The following NAALADL2 variants were observed in gnomAD, a reference collection of about 807,000 sequenced individuals.
NAALADL2 encodes the protein inactive N-acetylated-alpha-linked acidic dipeptidase-like protein 2.
In NAALADL2, 76 loss-of-function variants were observed where a neutral mutation model predicts 87.2. The ratio of observed to expected loss-of-function variants is 0.87; its 90% confidence interval spans 0.72 to 1.05. NAALADL2 has a LOEUF of 1.05. Among genes scored for constraint, NAALADL2 ranks in the 50% least tolerant of loss-of-function variants. The pLI is 0.00. For synonymous variants in NAALADL2, 354 were observed against 331.0 expected (o/e 1.07, Z -0.75); for missense variants, 1,089 against 945.8 (o/e 1.15, Z -1.99).
chr3:175,000,233 G>A (rs550223418), intron 1 of NAALADL2, among the ~76,000 whole-genome samples: 12 of 152,260 alleles, frequency 7.9e-5, no homozygotes, highest in African/African-American at 2.9e-4. Flanking sequence ...ACCTAAGAAA[G>A]ACCGATCAAT....
chr3:175,454,488 A>G (rs896430026), intron 6 of NAALADL2, among the ~76,000 whole-genome samples: 14 of 151,816 alleles, frequency 9.2e-5, no homozygotes, highest in Admixed American at 4.6e-4. Flanking sequence ...TTTTTTTAGA[A>G]CCACCTTCTT....
chr3:174,982,907 C>T (rs561410683), intron 1 of NAALADL2, among the ~76,000 whole-genome samples: 1 of 152,274 alleles, frequency 6.6e-6, no homozygotes, highest in South Asian at 2.1e-4. Flanking sequence ...ACGCCATTCT[C>T]CTGCCTCAGC....
intron 2 of NAALADL2, among the ~76,000 whole-genome samples, chr3:174,558,630 G>A (rs570378287): frequency 3.3e-5 from 5 of 152,018 alleles, no homozygotes; most frequent in African/African-American, 1.2e-4. Flanking sequence ...GATCTGGCAG[G>A]GGGAGAAGCT....
chr3:174,686,069 T>C (rs913337763), intron 2 of NAALADL2, among the ~76,000 whole-genome samples: 2 of 152,116 alleles, frequency 1.3e-5, no homozygotes, highest in African/African-American at 2.4e-5. Flanking sequence ...CCGTCTGTCA[T>C]TGATGGGCAT....
chr3:175,588,720 G>A (rs559666293), intron 10 of NAALADL2, among the ~76,000 whole-genome samples: 1,905 of 151,582 alleles, frequency 0.013, 38 homozygotes, highest in African/African-American at 0.043. Flanking sequence ...TTGTATTTTT[G>A]GTAGAGATGG....
At chr3:175,203,991 T>C (rs1560160566) in intron 2 of NAALADL2, among the ~76,000 whole-genome samples, 1 of 152,084 alleles carries the variant, frequency 6.6e-6, no homozygotes, top group Non-Finnish European at 1.5e-5. Context: ...GCCAGACAAA[T>C]TGACAGCAAA....
intron 2 of NAALADL2, among the ~76,000 whole-genome samples, chr3:174,638,713 T>A (rs1722892784): frequency 6.6e-6 from 1 of 152,194 alleles, no homozygotes; most frequent in South Asian, 2.1e-4. Flanking sequence ...GCATGCTGCA[T>A]ATTAACAGGA....
intron 5 of NAALADL2, among the ~76,000 whole-genome samples, chr3:175,381,065 C>T (rs1327830965): frequency 6.6e-6 from 1 of 151,774 alleles, no homozygotes; most frequent in Non-Finnish European, 1.5e-5. Context: ...TTATAATGAA[C>T]AACCTGAAAA....
At chr3:175,556,949 A>G (rs79795530) in intron 9 of NAALADL2, among the ~76,000 whole-genome samples, 1,524 of 152,332 alleles carry the variant, frequency 0.01, 34 homozygotes, top group African/African-American at 0.034. Flanking sequence ...TATGCTGACA[A>G]AGCCTAGAAA....
chr3:175,019,836 G>A (rs1316026494), intron 1 of NAALADL2, among the ~76,000 whole-genome samples: 1 of 152,004 alleles, frequency 6.6e-6, no homozygotes, highest in Non-Finnish European at 1.5e-5. Context: ...TTATTTAGTT[G>A]CATCCAAAAG....
intron 1 of NAALADL2, among the ~76,000 whole-genome samples, chr3:174,882,887 A>G (rs1276192722): frequency 6.7e-6 from 1 of 149,862 alleles, no homozygotes; most frequent in African/African-American, 2.4e-5. Flanking sequence ...ATATGTGTAT[A>G]TATGTATATA....
At chr3:174,853,264 G>A (rs530484261) in intron 3 of NAALADL2, among the ~76,000 whole-genome samples, 3 of 141,296 alleles carry the variant, frequency 2.1e-5, no homozygotes, top group South Asian at 2.3e-4. Flanking sequence ...TGTAGTCCCA[G>A]CTACTCAGGA....
chr3:174,490,788 G>A (rs928512862), intron 1 of NAALADL2, among the ~76,000 whole-genome samples: 1 of 151,910 alleles, frequency 6.6e-6, no homozygotes, highest in Non-Finnish European at 1.5e-5. Flanking sequence ...TATTTTATTG[G>A]GTGAAGGAGA....
chr3:174,829,029 G>T (rs1722309071), intron 3 of NAALADL2, among the ~76,000 whole-genome samples: 1 of 152,036 alleles, frequency 6.6e-6, no homozygotes, highest in South Asian at 2.1e-4. Flanking sequence ...TTATGATCAG[G>T]CCCTGAGTTA....
intron 1 of NAALADL2, among the ~76,000 whole-genome samples, chr3:174,874,665 TA>T (rs1455833648): frequency 6.6e-6 from 1 of 152,178 alleles, no homozygotes; most frequent in East Asian, 1.9e-4. Flanking sequence ...AGTCTTTACA[TA>T]AATGAAGTAC....
intron 2 of NAALADL2, among the ~76,000 whole-genome samples, chr3:174,699,049 C>T (rs1179369883): frequency 6.6e-6 from 1 of 152,062 alleles, no homozygotes; most frequent in Non-Finnish European, 1.5e-5. Flanking sequence ...TCTTAAACCT[C>T]TTCTCCTGTG....
At chr3:174,756,949 C>CA (rs773360702) in intron 3 of NAALADL2, among the ~76,000 whole-genome samples, 22 of 114,356 alleles carry the variant, frequency 1.9e-4, no homozygotes, top group Admixed American at 5.6e-4. Context: ...CACCTATAGA[C>CA]AAAAAAAACA....
intron 1 of NAALADL2, among the ~76,000 whole-genome samples, chr3:174,860,891 G>A (rs1472245953): frequency 6.6e-6 from 1 of 151,864 alleles, no homozygotes; most frequent in African/African-American, 2.4e-5. Context: ...ACTGTGTAAG[G>A]ATAGCCTTCC....
rs1227587596 is a variant in NAALADL2 at position 175,697,862 on chromosome 3, TATG to T, written c.1897-39443_1897-39441del. On this transcript the variant is annotated intron_variant, in intron 11 of 13. Coordinates refer to ENST00000454872, the MANE Select transcript of NAALADL2 (RefSeq NM_207015.3). ...TTATGTATACATATATATGTGTATA[TATG>T]TATGTATACATATATATGTGTATAT... Among the ~76,000 whole-genome samples, 183 of 80,684 alleles carry T rather than the reference TATG, an allele frequency of 2.3e-3. 2 individuals are homozygous for T. The highest frequency in any genetic ancestry group is 0.012 in the Middle Eastern group (1 of 84). The allele number at this position is 80,684 out of a possible 152,430, so 52.9% of individuals were successfully genotyped here.
Sources: allele counts gnomAD v4.1 joint callset (sites outside exome capture counted in the v4.1 genomes callset), GRCh38; gene constraint gnomAD v4.1.1; transcripts MANE v1.5; gene names NCBI Gene and HGNC (gene_info 2026-07-23, HGNC 2026-07-21).